Variants in TUSC3 observed in about 807,000 individuals in gnomAD.
TUSC3 encodes the protein tumor suppressor candidate 3.
Under a neutral mutation model 44.8 loss-of-function variants are expected in TUSC3, and 45 were observed. The ratio of observed to expected loss-of-function variants is 1.00; its 90% confidence interval spans 0.79 to 1.29. The LOEUF (loss-of-function observed/expected upper bound fraction) is 1.29, where lower values mean the gene tolerates loss of function less well. Among genes scored for constraint, TUSC3 ranks in the 50% most tolerant of loss-of-function variants. TUSC3 has a pLI of 0.00. For missense variants in TUSC3, 519 were observed against 437.9 expected, an observed-to-expected ratio of 1.19 and a Z score of -1.65; for synonymous variants, 212 against 152.9, an observed-to-expected ratio of 1.39 and a Z score of -2.85.
At chr8:15,729,735 G>A (rs1419693528) in intron 6 of TUSC3, among the ~76,000 whole-genome samples, 2 of 151,962 alleles carry the variant, frequency 1.3e-5, no homozygotes, top group Non-Finnish European at 2.9e-5. Context: ...GGAAAGTGAG[G>A]ATTGAAAAAC....
In TUSC3 at chr8:15,659,574, C is replaced by A. The variant is rs1430050583; in HGVS notation, c.494C>A (p.Thr165Asn). The A allele has an allele frequency of 1.2e-6, 2 of 1,613,466 alleles. No homozygotes were observed. Among genetic ancestry groups the A allele is most frequent in the East Asian group, 4.5e-5 (2 of 44,822 alleles). ...PPKGRPKRAD[T>N]FDLQRIGFAA... ...AAAGGCAGACCTAAGAGAGCTGATA[C>A]TTTTGACCTCCAAAGAATTGGATTT... Residue 165 changes from threonine to asparagine, a missense_variant, in exon 4 of 11, where the codon ACT (threonine) becomes AAT (asparagine). Thr to Asn is a moderately conservative substitution (Grantham distance 65). Coordinates refer to ENST00000503731, the MANE Select transcript of TUSC3 (RefSeq NM_006765.4).
intron 2 of TUSC3, among the ~76,000 whole-genome samples, chr8:15,636,167 AGGG>A (rs1270695572): frequency 6.6e-6 from 1 of 152,022 alleles, no homozygotes; most frequent in African/African-American, 2.4e-5. Context: ...GCTGTTTCTG[AGGG>A]GAAGCAGCCA....
At chr8:15,582,790 AG>A (rs1212680506) in intron 1 of TUSC3, among the ~76,000 whole-genome samples, 1 of 152,224 alleles carries the variant, frequency 6.6e-6, no homozygotes, top group African/African-American at 2.4e-5. Context: ...AGTCTTAATC[AG>A]TTACAGTCAC....
chr8:15,778,453 C>G, the TUSC3 span, among the ~76,000 whole-genome samples: 1 of 152,094 alleles, frequency 6.6e-6, no homozygotes, highest in Non-Finnish European at 1.5e-5. Flanking sequence ...GCCTGACTCA[C>G]AGAAGAAAAC....
chr8:15,842,411 C>A, the TUSC3 span, among the ~76,000 whole-genome samples: 2 of 152,118 alleles, frequency 1.3e-5, no homozygotes, highest in African/African-American at 2.4e-5. Flanking sequence ...TAGCACAGTA[C>A]CTGGAATGTA....
chr8:15,733,772 C>G (rs896828902), intron 7 of TUSC3: 1 of 153,106 alleles, frequency 6.5e-6, no homozygotes, highest in African/African-American at 2.4e-5. Flanking sequence ...TAAAAGAAGT[C>G]CAGGCACAGT....
chr8:15,552,832 G>A (rs1008231978), intron 1 of TUSC3, among the ~76,000 whole-genome samples: 3 of 151,742 alleles, frequency 2.0e-5, no homozygotes, highest in Admixed American at 2.0e-4. Context: ...TGGCTATGCT[G>A]TGGAGAATAG....
Position 15,523,706 on chromosome 8 carries a change from GTGTATA to G in TUSC3, n.189+40225_189+40230del, listed in dbSNP as rs1396507689. 1.8e-3 allele frequency among the ~76,000 whole-genome samples: 200 copies of G among 112,834 alleles called. 4 individuals are homozygous for G. The highest frequency in any genetic ancestry group is 7.3e-3 in the African/African-American group (184 of 25,242). 74.0% of individuals were successfully genotyped at this position (112,834 alleles called of 152,430 possible). On this transcript the variant is annotated intron_variant and non_coding_transcript_variant, in intron 2 of 5. Transcript: ENST00000503191. The stretch of plus-strand genomic sequence containing the variant: ...TGTGTGTGTGTGTGTGTGTGTGTGT[GTGTATA>G]TATATATATATATAAAGTAGTTCTT...
chr8:15,507,557 A>C (rs1423591573), intron 2 of TUSC3, among the ~76,000 whole-genome samples: 1 of 152,108 alleles, frequency 6.6e-6, no homozygotes, highest in Non-Finnish European at 1.5e-5. Context: ...TTTGAGTTTT[A>C]TCAATTTTTA....
intron 6 of TUSC3, among the ~76,000 whole-genome samples, chr8:15,707,536 C>G (rs773674725): frequency 6.6e-6 from 1 of 151,874 alleles, no homozygotes; most frequent in Non-Finnish European, 1.5e-5. Flanking sequence ...TTTCCCAGGC[C>G]TGTAGGGGAA....
intron 1 of TUSC3, among the ~76,000 whole-genome samples, chr8:15,417,928 T>C (rs1799679019): frequency 6.6e-6 from 1 of 152,140 alleles, no homozygotes; most frequent in South Asian, 2.1e-4. Flanking sequence ...ATTAATGAGA[T>C]GTGGGAAAGT....
chr8:15,435,448 T>C (rs1799933679), intron 1 of TUSC3, among the ~76,000 whole-genome samples: 1 of 152,194 alleles, frequency 6.6e-6, no homozygotes, highest in Non-Finnish European at 1.5e-5. Flanking sequence ...TATAGTGAAG[T>C]ACTCAAATGT....
intron 1 of TUSC3, among the ~76,000 whole-genome samples, chr8:15,618,748 C>T (rs1367998625): frequency 1.3e-5 from 2 of 152,126 alleles, no homozygotes; most frequent in Admixed American, 6.5e-5. Flanking sequence ...ATATACTATA[C>T]GTAATTGCAT....
At chr8:15,693,121 G>C (rs988022448) in intron 6 of TUSC3, among the ~76,000 whole-genome samples, 9 of 152,134 alleles carry the variant, frequency 5.9e-5, no homozygotes, top group Non-Finnish European at 1.0e-4. Flanking sequence ...TTGCTTCTTT[G>C]TGCCTTTTAA....
chr8:15,720,192 A>ATG (rs1810242668), intron 6 of TUSC3, among the ~76,000 whole-genome samples: 5 of 123,256 alleles, frequency 4.1e-5, no homozygotes, highest in Non-Finnish European at 8.4e-5. Context: ...AATATAGTGT[A>ATG]TATATATATA....
intron 2 of TUSC3, among the ~76,000 whole-genome samples, chr8:15,503,940 G>T (rs1477240499): frequency 1.3e-5 from 2 of 151,516 alleles, no homozygotes; most frequent in Non-Finnish European, 2.9e-5. Flanking sequence ...GCTTGAACAG[G>T]GGAGGTGGAG....
At chr8:15,581,916 C>G (rs540611797) in intron 1 of TUSC3, among the ~76,000 whole-genome samples, 7 of 145,994 alleles carry the variant, frequency 4.8e-5, no homozygotes, top group South Asian at 4.3e-4. Context: ...GCCTCGCTGC[C>G]GCCTTGCAGT....
At chr8:15,611,421 T>G (rs1804754866) in intron 1 of TUSC3, among the ~76,000 whole-genome samples, 1 of 152,160 alleles carries the variant, frequency 6.6e-6, no homozygotes, top group Non-Finnish European at 1.5e-5. Context: ...ACTCCTGACC[T>G]CGTGATCTGC....
At chr8:15,490,471 T>C (rs1800793325) in intron 2 of TUSC3, among the ~76,000 whole-genome samples, 1 of 152,028 alleles carries the variant, frequency 6.6e-6, no homozygotes. Context: ...CCCCTCCCAT[T>C]GGGTGCACTC....
Sources: gnomAD v4.1 joint callset for allele counts (sites outside exome capture counted in the v4.1 genomes callset) on GRCh38, gnomAD v4.1.1 for gene constraint, MANE v1.5 for transcripts, NCBI Gene and HGNC (gene_info 2026-07-23, HGNC 2026-07-21) for gene names.